The following ARNT2 variants were observed in gnomAD, a reference collection of about 807,000 sequenced individuals.
ARNT2 encodes the protein aryl hydrocarbon receptor nuclear translocator 2.
In ARNT2, 36 loss-of-function variants were observed where a neutral mutation model predicts 91.7. The observed-to-expected ratio is 0.39, with a 90% CI of 0.30 to 0.52. The LOEUF (loss-of-function observed/expected upper bound fraction) is 0.52, where lower values mean the gene tolerates loss of function less well. Among genes scored for constraint, ARNT2 ranks in the 20% least tolerant of loss-of-function variants. The pLI is 0.72. For missense variants in ARNT2, 775 were observed against 939.3 expected, an observed-to-expected ratio of 0.83 and a Z score of 2.29; for synonymous variants, 365 against 347.1, an observed-to-expected ratio of 1.05 and a Z score of -0.57.
chr15:80,554,931 T>C, intron 10 of ARNT2, 134 bp from the exon 11 acceptor site: 6 of 905,184 alleles, frequency 6.6e-6, no homozygotes, highest in Non-Finnish European at 6.6e-6. Flanking sequence ...ACTCACTTTT[T>C]CAAAAAATCT....
intron 17 of ARNT2, among the ~76,000 whole-genome samples, chr15:80,583,966 G>A (rs1596025696): frequency 6.6e-6 from 1 of 152,228 alleles, no homozygotes; most frequent in East Asian, 1.9e-4. Context: ...GAGAAATGAA[G>A]GACTGAGAAG....
intron 1 of ARNT2, among the ~76,000 whole-genome samples, chr15:80,414,636 C>G (rs527986590): frequency 9.0e-4 from 137 of 152,268 alleles, no homozygotes; most frequent in African/African-American, 3.2e-3. Flanking sequence ...ATGTTTCTAT[C>G]CCATCAGCAG....
rs370737638 is a variant in ARNT2, at chr15:80,593,881, C to T, written c.*183C>T. On this transcript the variant is annotated 3_prime_UTR_variant, in exon 19 of 19. Transcript: ENST00000303329. ...ACTCTCCCCTGCAGCCGCGGCTGCT[C>T]GGCCACTGACCAGGGGCCCTGGCAG... The T allele has an allele frequency of 2.9e-4, 170 of 590,770 alleles. 1 individual carries two copies. In the East Asian group the frequency reaches 3.5e-3, roughly 12 times the overall value. The allele number at this position is 590,770 out of a possible 1,614,324, so 36.6% of individuals were successfully genotyped here.
At chr15:80,498,260 C>T (rs1897146337) in intron 5 of ARNT2, among the ~76,000 whole-genome samples, 2 of 152,184 alleles carry the variant, frequency 1.3e-5, no homozygotes, top group Non-Finnish European at 1.5e-5. Context: ...TGCCCCCTAC[C>T]CCTAAAGACA....
intron 11 of ARNT2, among the ~76,000 whole-genome samples, chr15:80,560,582 G>C (rs1044838609): frequency 6.6e-6 from 1 of 152,112 alleles, no homozygotes; most frequent in Non-Finnish European, 1.5e-5. Flanking sequence ...ACACTGTCTC[G>C]GGCGTTCTAG....
chr15:80,512,364 T>C (rs1302173468), intron 6 of ARNT2, among the ~76,000 whole-genome samples: 1 of 152,224 alleles, frequency 6.6e-6, no homozygotes, highest in Non-Finnish European at 1.5e-5. Context: ...AGGCTGAGCC[T>C]CTGGAATTCT....
intron 8 of ARNT2, among the ~76,000 whole-genome samples, chr15:80,543,311 G>A (rs1326210167): frequency 6.6e-6 from 1 of 152,026 alleles, no homozygotes; most frequent in Non-Finnish European, 1.5e-5. Flanking sequence ...GTAACAGAGG[G>A]TCAGAGAGAT....
Position 80,551,287 on chromosome 15 carries a change from T to A in ARNT2, c.954+12T>A, listed in dbSNP as rs779687815. The stretch of plus-strand genomic sequence containing the variant: ...TTGGGAGACTCCAGGTAAGAAAAAA[T>A]TCGTAGCCTTTTTAATCTTAAATGA... On this transcript the variant is annotated intron_variant, in intron 9 of 18. Transcript: ENST00000303329. 4 of 1,610,382 alleles carry A rather than the reference T, an allele frequency of 2.5e-6. No homozygotes were observed. The highest frequency in any genetic ancestry group is 1.7e-6 in the Non-Finnish European group (2 of 1,176,950).
At chr15:80,507,557 G>A (rs1168597742) in intron 5 of ARNT2, among the ~76,000 whole-genome samples, 1 of 152,114 alleles carries the variant, frequency 6.6e-6, no homozygotes, top group African/African-American at 2.4e-5. Flanking sequence ...TGCTAGAGGT[G>A]TAGATATAGT....
intron 12 of ARNT2, 55 bp from the exon 13 acceptor site, chr15:80,574,093 C>T: frequency 1.3e-6 from 2 of 1,503,730 alleles, no homozygotes; most frequent in Non-Finnish European, 1.9e-6. Context: ...CTGGCTTAGC[C>T]CTATTGTCAC....
intron 15 of ARNT2, among the ~76,000 whole-genome samples, chr15:80,579,401 A>C (rs996971476): frequency 1.3e-5 from 2 of 152,192 alleles, no homozygotes; most frequent in Admixed American, 6.5e-5. Flanking sequence ...TGTCTCTGAC[A>C]TTCTTGGTTT....
At chr15:80,413,249 C>T (rs1895713847) in intron 1 of ARNT2, among the ~76,000 whole-genome samples, 1 of 152,188 alleles carries the variant, frequency 6.6e-6, no homozygotes, top group African/African-American at 2.4e-5. Flanking sequence ...CATTGTTCTC[C>T]CTCCACCCCC....
chr15:80,437,429 C>T (rs1327431129), intron 1 of ARNT2, among the ~76,000 whole-genome samples: 1 of 152,172 alleles, frequency 6.6e-6, no homozygotes, highest in African/African-American at 2.4e-5. Flanking sequence ...CTGAGTATTT[C>T]AGATATTTTA....
chr15:80,472,794 G>A (rs1214267360), intron 4 of ARNT2, among the ~76,000 whole-genome samples: 1 of 152,190 alleles, frequency 6.6e-6, no homozygotes, highest in Non-Finnish European at 1.5e-5. Context: ...GTATAATGAA[G>A]GGTAAATAGC....
At chr15:80,419,167 A>C (rs894514535) in intron 1 of ARNT2, among the ~76,000 whole-genome samples, 1 of 152,192 alleles carries the variant, frequency 6.6e-6, no homozygotes, top group Non-Finnish European at 1.5e-5. Context: ...GAGGGCTTGT[A>C]AAAACACAAA....
intron 8 of ARNT2, among the ~76,000 whole-genome samples, chr15:80,544,707 A>G (rs1897963848): frequency 6.6e-6 from 1 of 152,240 alleles, no homozygotes. Flanking sequence ...CACCTAAAGT[A>G]CTGTGGGCAC....
intron 8 of ARNT2, among the ~76,000 whole-genome samples, chr15:80,518,600 G>A (rs1026378062): frequency 6.6e-6 from 1 of 152,064 alleles, no homozygotes; most frequent in Admixed American, 6.5e-5. Context: ...TTCTTAAATA[G>A]TCTTAAATAG....
intron 1 of ARNT2, among the ~76,000 whole-genome samples, chr15:80,415,186 A>G (rs1036649963): frequency 6.6e-6 from 1 of 152,218 alleles, no homozygotes; most frequent in African/African-American, 2.4e-5. Flanking sequence ...TGTCCCACAG[A>G]TTCTGCAAAG....
At chr15:80,530,067 T>C (rs781440745) in intron 8 of ARNT2, among the ~76,000 whole-genome samples, 1 of 152,232 alleles carries the variant, frequency 6.6e-6, no homozygotes, top group South Asian at 2.1e-4. Context: ...ACTCGGTATC[T>C]TCTTTTTCAT....
Sources: allele counts gnomAD v4.1 joint callset (sites outside exome capture counted in the v4.1 genomes callset), GRCh38; gene constraint gnomAD v4.1.1; transcripts MANE v1.5; gene names NCBI Gene and HGNC (gene_info 2026-07-23, HGNC 2026-07-21).